The following GAS2 variants were observed in gnomAD, a reference collection of about 807,000 sequenced individuals.
GAS2 encodes the protein growth arrest specific 2.
In GAS2, 20 loss-of-function variants were observed where a neutral mutation model predicts 37.5. That is an observed-to-expected ratio of 0.53 (90% CI 0.37 to 0.77). The LOEUF is 0.77. GAS2 is among the 30% of genes least tolerant of loss of function. The pLI is 0.00. For synonymous variants in GAS2, 144 were observed against 132.2 expected, an observed-to-expected ratio of 1.09 and a Z score of -0.61; for missense variants, 336 against 373.4, an observed-to-expected ratio of 0.90 and a Z score of 0.82.
chr11:22,753,814 TA>T (rs964078385), intron 6 of GAS2, among the ~76,000 whole-genome samples: 2 of 152,124 alleles, frequency 1.3e-5, no homozygotes, highest in African/African-American at 4.8e-5. Context: ...ACATATTTTA[TA>T]AACACATATA....
chr11:22,725,734 T>C (rs537538402), intron 3 of GAS2, among the ~76,000 whole-genome samples: 2 of 152,154 alleles, frequency 1.3e-5, no homozygotes, highest in Non-Finnish European at 2.9e-5. Flanking sequence ...AATGTTATCA[T>C]GACATTATTT....
upstream of GAS2, among the ~76,000 whole-genome samples, chr11:22,663,845 A>G (rs960914566): frequency 1.3e-5 from 2 of 152,198 alleles, no homozygotes; most frequent in African/African-American, 4.8e-5. Context: ...TCTTTGCCTT[A>G]TGACATTAAA....
At chr11:22,769,504 T>A (rs997605873) in intron 7 of GAS2, among the ~76,000 whole-genome samples, 2 of 152,194 alleles carry the variant, frequency 1.3e-5, no homozygotes, top group Admixed American at 6.5e-5. Context: ...ATAGATAACA[T>A]GTATACATAT....
chr11:22,736,742 T>C (rs1482684944), intron 4 of GAS2, among the ~76,000 whole-genome samples: 6 of 152,102 alleles, frequency 3.9e-5, no homozygotes, highest in Non-Finnish European at 2.9e-5. Flanking sequence ...TTAAAATCTA[T>C]CAATAAACAA....
chr11:22,660,676 C>T (rs1172808191), intron 1 of GAS2, among the ~76,000 whole-genome samples: 1 of 152,222 alleles, frequency 6.6e-6, no homozygotes, highest in Non-Finnish European at 1.5e-5. Context: ...TACGATATTA[C>T]AAATTTACTA....
At chr11:22,764,285 G>C (rs1218269390) in intron 7 of GAS2, among the ~76,000 whole-genome samples, 1 of 152,106 alleles carries the variant, frequency 6.6e-6, no homozygotes, top group Non-Finnish European at 1.5e-5. Flanking sequence ...AGACGGCCGG[G>C]CACGGCGGAT....
intron 7 of GAS2, among the ~76,000 whole-genome samples, chr11:22,761,547 G>A (rs180774803): frequency 6.6e-6 from 1 of 152,110 alleles, no homozygotes; most frequent in African/African-American, 2.4e-5. Flanking sequence ...TGTACCTTAG[G>A]GTTGTTCAAA....
intron 1 of GAS2, among the ~76,000 whole-genome samples, chr11:22,649,940 T>C (rs1281323500): frequency 2.0e-5 from 3 of 152,160 alleles, no homozygotes; most frequent in Non-Finnish European, 4.4e-5. Context: ...TGATTTTAGT[T>C]ATTTCTTGTC....
At position 22,704,588 on chromosome 11, in the gene GAS2, C is replaced by CATATATATATATATATATATATAT. The variant is rs3049395; in HGVS notation, c.267+18812_267+18835dup. On this transcript the variant is annotated intron_variant, in intron 3 of 7. Coordinates refer to ENST00000454584, the MANE Select transcript of GAS2 (RefSeq NM_001143830.3). ...TCAATTAGAAGCCAGTGAAAATAAA[C>CATATATATATATATATATATATAT]ATATATATATATATATATATATATA... is the stretch of plus-strand genomic sequence containing the variant. 3.2e-4 allele frequency among the ~76,000 whole-genome samples: 29 copies of CATATATATATATATATATATATAT among 90,496 alleles called. 1 individual carries two copies. Among genetic ancestry groups the CATATATATATATATATATATATAT allele is most frequent in the East Asian group, 7.3e-4 (2 of 2,724 alleles). 59.4% of individuals were successfully genotyped at this position (90,496 alleles called of 152,430 possible). A position where few individuals can be genotyped will look rare whatever the true frequency, so the allele number is the denominator to read the frequency against.
intron 6 of GAS2, 114 bp from the exon 7 acceptor site, chr11:22,755,732 A>G: frequency 3.1e-6 from 2 of 655,066 alleles, no homozygotes; most frequent in South Asian, 3.9e-5. Flanking sequence ...ATGTCCATAG[A>G]TAAATAACAA....
intron 7 of GAS2, among the ~76,000 whole-genome samples, chr11:22,801,527 T>C (rs796488878): frequency 1.7e-4 from 26 of 152,078 alleles, no homozygotes; most frequent in African/African-American, 6.0e-4. Context: ...CAGTAAAACA[T>C]AGATAGTGAC....
intron 7 of GAS2, among the ~76,000 whole-genome samples, chr11:22,774,856 A>G (rs1215795744): frequency 6.6e-6 from 1 of 152,148 alleles, no homozygotes; most frequent in East Asian, 1.9e-4. Flanking sequence ...GACTCAAAGA[A>G]TAAGCACATG....
At chr11:22,704,279 A>G (rs1483072402) in intron 3 of GAS2, among the ~76,000 whole-genome samples, 1 of 152,048 alleles carries the variant, frequency 6.6e-6, no homozygotes, top group Non-Finnish European at 1.5e-5. Flanking sequence ...TAAATGAAAT[A>G]AATACAAAAT....
chr11:22,775,365 C>T (rs1417279099), intron 7 of GAS2, among the ~76,000 whole-genome samples: 1 of 152,106 alleles, frequency 6.6e-6, no homozygotes, highest in Non-Finnish European at 1.5e-5. Context: ...ATATTATTAT[C>T]TACTGTGTGA....
intron 4 of GAS2, among the ~76,000 whole-genome samples, chr11:22,735,527 G>T (rs548733739): frequency 6.6e-6 from 1 of 151,852 alleles, no homozygotes; most frequent in African/African-American, 2.4e-5. Flanking sequence ...CTTTTCTAAT[G>T]AGTCTGTGAT....
At chr11:22,654,063 T>C (rs1848828717) in intron 1 of GAS2, among the ~76,000 whole-genome samples, 1 of 152,232 alleles carries the variant, frequency 6.6e-6, no homozygotes, top group African/African-American at 2.4e-5. Context: ...TTTTCCCACC[T>C]GATGCCCCAG....
chr11:22,671,003 C>T (rs1411390822), intron 1 of GAS2, among the ~76,000 whole-genome samples: 5 of 152,108 alleles, frequency 3.3e-5, no homozygotes, highest in African/African-American at 1.2e-4. Flanking sequence ...AGTCAAAGAA[C>T]ACCTCTAGGT....
At chr11:22,637,658 A>G (rs1487730792) in intron 1 of GAS2, among the ~76,000 whole-genome samples, 1 of 137,428 alleles carries the variant, frequency 7.3e-6, no homozygotes, top group East Asian at 2.1e-4. Flanking sequence ...TTATTGATAT[A>G]ATATAAAATA....
intron 1 of GAS2, among the ~76,000 whole-genome samples, chr11:22,657,052 A>G (rs1460737056): frequency 1.3e-5 from 2 of 152,238 alleles, no homozygotes. Flanking sequence ...GAAAGAATCT[A>G]GTATTCAAAT....
Sources: allele counts gnomAD v4.1 joint callset (sites outside exome capture counted in the v4.1 genomes callset), GRCh38; gene constraint gnomAD v4.1.1; transcripts MANE v1.5; gene names NCBI Gene and HGNC (gene_info 2026-07-23, HGNC 2026-07-21).